GRIK2: variants seen among roughly 807,000 people sequenced by gnomAD.
The protein encoded by GRIK2 is glutamate receptor ionotropic, kainate 2.
A neutral mutation model predicts 100.3 loss-of-function variants in GRIK2; 32 were observed. The ratio of observed to expected loss-of-function variants is 0.32; its 90% CI spans 0.24 to 0.43. The LOEUF (loss-of-function observed/expected upper bound fraction) is 0.43, where lower values mean the gene tolerates loss of function less well. Ranked by LOEUF, GRIK2 falls within the 20% of genes least tolerant of loss-of-function variation. The pLI is 1.00. For missense variants in GRIK2, 843 were observed against 1,114.9 expected (o/e 0.76, Z 3.47); for synonymous variants, 417 against 389.4 (o/e 1.07, Z -0.83).
intron 7 of GRIK2, among the ~76,000 whole-genome samples, chr6:101,690,722 C>G (rs75940397): frequency 0.01 from 1,531 of 152,174 alleles, 23 homozygotes; most frequent in African/African-American, 0.034. Context: ...CCAAGCCACC[C>G]TCTCATCTCA....
chr6:102,027,102 A>G (rs1231229691), intron 14 of GRIK2, among the ~76,000 whole-genome samples: 1 of 151,320 alleles, frequency 6.6e-6, no homozygotes, highest in Non-Finnish European at 1.5e-5. Context: ...ATTAGGGCTT[A>G]TTACATGTAA....
At chr6:102,022,609 T>G (rs1769487347) in intron 14 of GRIK2, among the ~76,000 whole-genome samples, 1 of 151,750 alleles carries the variant, frequency 6.6e-6, no homozygotes, top group Non-Finnish European at 1.5e-5. Context: ...CCTTCAGCTA[T>G]TCTATAATAA....
At position 101,889,620 on chromosome 6, in the gene GRIK2, T is replaced by TTTTTTGTTTTTG; in HGVS notation, c.1525-19_1525-18insTTTTGTTTTTGT. 1 of 1,102,762 alleles carries TTTTTTGTTTTTG rather than the reference T, an allele frequency of 9.1e-7. No individual in the cohort carries two copies. The highest frequency in any genetic ancestry group is 1.3e-6 in the Non-Finnish European group (1 of 781,222). The allele number at this position is 1,102,762 out of a possible 1,614,324, so 68.3% of individuals were successfully genotyped here. On this transcript the variant is annotated intron_variant, in intron 11 of 16. Transcript: ENST00000369134. ...TTCTTTCTTTCTTTTTTTTTTTTTTTTGTTTGTTTCTGTCTACAGAAAGCT... is the reference window on the plus strand; with the variant it reads ...TTCTTTCTTTCTTTTTTTTTTTTTTTTTTTTGTTTTTGTGTTTGTTTCTGTCTACAGAAAGCT...
chr6:101,497,947 A>G (rs927223232), intron 2 of GRIK2, among the ~76,000 whole-genome samples: 3 of 151,580 alleles, frequency 2.0e-5, no homozygotes, highest in Non-Finnish European at 2.9e-5. Context: ...CACATGTGCC[A>G]TGCTGGTGTG....
chr6:101,673,195 A>G (rs868693642), intron 4 of GRIK2, among the ~76,000 whole-genome samples: 5 of 152,196 alleles, frequency 3.3e-5, no homozygotes, highest in Middle Eastern at 3.2e-3. Context: ...AAAAATGGGC[A>G]AAAGACATGA....
Position 102,047,247 on chromosome 6 carries a change from G to GA in GRIK2, c.2312-8076dup, listed in dbSNP as rs574852841. On this transcript the variant is annotated intron_variant, in intron 15 of 16. Transcript: ENST00000369134. ...CAAACAGAGAATAGAAAAACCATAG[G>GA]AAAAAAACCCAATAGTCACTTCTTT... Among the ~76,000 whole-genome samples the GA allele has an allele frequency of 5.8e-3, 877 of 151,364 alleles. 7 individuals are homozygous for GA. The highest frequency in any genetic ancestry group is 0.02 in the African/African-American group (841 of 41,244).
intron 7 of GRIK2, among the ~76,000 whole-genome samples, chr6:101,788,833 T>C (rs1383450862): frequency 6.6e-6 from 1 of 152,118 alleles, no homozygotes; most frequent in African/African-American, 2.4e-5. Flanking sequence ...ACCAACAGTG[T>C]AAAAGTGTTC....
intron 9 of GRIK2, among the ~76,000 whole-genome samples, chr6:101,814,896 T>C (rs1205069078): frequency 6.6e-6 from 1 of 152,212 alleles, no homozygotes; most frequent in Non-Finnish European, 1.5e-5. Context: ...TTAGTAATTG[T>C]CATAATTATA....
chr6:101,614,558 G>A (rs73761366), intron 2 of GRIK2, among the ~76,000 whole-genome samples: 3,389 of 151,498 alleles, frequency 0.022, 135 homozygotes, highest in African/African-American at 0.076. Flanking sequence ...ATAGCCAAAG[G>A]CCAATGTAAC....
intron 14 of GRIK2, among the ~76,000 whole-genome samples, chr6:102,022,145 C>CAT (rs1769459362): frequency 1.9e-5 from 1 of 53,074 alleles, no homozygotes; most frequent in African/African-American, 2.6e-4. Flanking sequence ...CACACACATA[C>CAT]ACACACACAC....
chr6:101,987,908 A>G (rs1794108930), intron 14 of GRIK2, among the ~76,000 whole-genome samples: 1 of 151,618 alleles, frequency 6.6e-6, no homozygotes, highest in Admixed American at 6.6e-5. Flanking sequence ...TAGACTCCTC[A>G]ATACCCCTAT....
intron 2 of GRIK2, among the ~76,000 whole-genome samples, chr6:101,474,611 A>T (rs560581142): frequency 6.6e-6 from 1 of 151,848 alleles, no homozygotes; most frequent in Admixed American, 6.6e-5. Flanking sequence ...TCTTATTTCT[A>T]TGATAATCAT....
chr6:101,790,868 A>G (rs1221875977), intron 7 of GRIK2, among the ~76,000 whole-genome samples: 1 of 151,718 alleles, frequency 6.6e-6, no homozygotes, highest in African/African-American at 2.4e-5. Flanking sequence ...GCTATTGATT[A>G]TTGCCACAAT....
chr6:101,492,650 C>T (rs1370251903), intron 2 of GRIK2, among the ~76,000 whole-genome samples: 2 of 151,854 alleles, frequency 1.3e-5, no homozygotes, highest in Admixed American at 6.6e-5. Flanking sequence ...CTTCCCCAGA[C>T]CTGGAATTAG....
intron 14 of GRIK2, among the ~76,000 whole-genome samples, chr6:102,005,129 C>T (rs1162469363): frequency 6.6e-6 from 1 of 150,970 alleles, no homozygotes; most frequent in Admixed American, 6.6e-5. Flanking sequence ...GATAATATTT[C>T]ATATGTGCAG....
chr6:102,046,127 C>G (rs959562758), intron 15 of GRIK2, among the ~76,000 whole-genome samples: 6 of 151,734 alleles, frequency 4.0e-5, no homozygotes, highest in African/African-American at 4.8e-5. Context: ...GGAAATAAAT[C>G]AAGAGGACAT....
At chr6:101,988,124 TGTGTGTGTGCGC>T (rs1315523448) in intron 14 of GRIK2, among the ~76,000 whole-genome samples, 12 of 26,150 alleles carry the variant, frequency 4.6e-4, no homozygotes, top group South Asian at 2.6e-3. Context: ...TGTGTGTGTG[TGTGTGTGTGCGC>T]GCGCGCGCGC....
intron 14 of GRIK2, chr6:101,993,884 T>G (rs1378942732): frequency 2.0e-5 from 3 of 147,906 alleles, no homozygotes; most frequent in Non-Finnish European, 3.0e-5. Context: ...AATAGGTACA[T>G]TGATATATAT....
intron 14 of GRIK2, among the ~76,000 whole-genome samples, chr6:101,980,784 ATTAG>A (rs1416298487): frequency 1.3e-5 from 2 of 151,732 alleles, no homozygotes; most frequent in East Asian, 3.9e-4. Flanking sequence ...AAAGATTTGT[ATTAG>A]TTATAAGAAA....
Sources: gnomAD v4.1 joint callset for allele counts (sites outside exome capture counted in the v4.1 genomes callset) on GRCh38, gnomAD v4.1.1 for gene constraint, MANE v1.5 for transcripts, NCBI Gene and HGNC (gene_info 2026-07-23, HGNC 2026-07-21) for gene names.